Variants in KLRG1 observed in about 807,000 individuals in gnomAD.
KLRG1 encodes killer cell lectin like receptor G1, also known as killer cell lectin-like receptor subfamily G member 1.
KLRG1 carries 16 observed loss-of-function variants against 21.8 expected under a neutral mutation model. The observed-to-expected ratio is 0.73, with a 90% confidence interval of 0.50 to 1.11. The LOEUF is 1.11. Among genes scored for constraint, KLRG1 ranks in the 50% most tolerant of loss-of-function variants. KLRG1 has a pLI of 0.00. For missense variants in KLRG1, 173 were observed against 218.3 expected, an observed-to-expected ratio of 0.79 and a Z score of 1.31; for synonymous variants, 69 against 75.9, an observed-to-expected ratio of 0.91 and a Z score of 0.47.
the KLRG1 span, among the ~76,000 whole-genome samples, chr12:9,102,932 G>C: frequency 6.6e-6 from 1 of 152,034 alleles, no homozygotes; most frequent in African/African-American, 2.4e-5. Context: ...AAACTCTAAA[G>C]AGGCAGGCGT....
At chr12:9,045,138 G>GA in the KLRG1 span, among the ~76,000 whole-genome samples, 3 of 151,558 alleles carry the variant, frequency 2.0e-5, no homozygotes, top group Admixed American at 6.6e-5. Flanking sequence ...TCACAACAAG[G>GA]AAAAAAAACT....
the KLRG1 span, chr12:9,113,656 T>C: frequency 9.4e-7 from 1 of 1,064,502 alleles, no homozygotes; most frequent in Non-Finnish European, 1.4e-6. Context: ...CAAGAGAAGA[T>C]GTACTGATGA....
chr12:9,070,825 ATT>A, the KLRG1 span, among the ~76,000 whole-genome samples: 1 of 145,834 alleles, frequency 6.9e-6, no homozygotes, highest in Non-Finnish European at 1.5e-5. Context: ...GAGGATCTGC[ATT>A]TTTTTTTTTT....
the KLRG1 span, chr12:9,196,769 G>T: frequency 2.4e-6 from 3 of 1,228,946 alleles, no homozygotes; most frequent in Non-Finnish European, 3.5e-6. Context: ...CTAATGACAA[G>T]AAAACTTTTT....
At chr12:9,015,031 C>G (rs1315585714), downstream of KLRG1, among the ~76,000 whole-genome samples, 1 of 151,572 alleles carries the variant, frequency 6.6e-6, no homozygotes, top group Non-Finnish European at 1.5e-5. Flanking sequence ...AAATAAAAAG[C>G]AAGAAATTAA....
the KLRG1 span, among the ~76,000 whole-genome samples, chr12:9,035,391 G>C: frequency 6.6e-6 from 1 of 151,474 alleles, no homozygotes; most frequent in African/African-American, 2.4e-5. Context: ...AGTGGGAGTC[G>C]AACAATGAGA....
At chr12:8,970,203 C>A (rs948044053) in intron 1 of KLRG1, among the ~76,000 whole-genome samples, 3 of 152,216 alleles carry the variant, frequency 2.0e-5, no homozygotes, top group Admixed American at 1.3e-4. Context: ...CTTGCCATTT[C>A]TTTTGTGAGT....
the KLRG1 span, among the ~76,000 whole-genome samples, chr12:9,103,468 T>C: frequency 1.3e-5 from 2 of 152,190 alleles, no homozygotes; most frequent in Non-Finnish European, 2.9e-5. Context: ...TTCTTTAGTG[T>C]ACAGTTTGGT....
the KLRG1 span, chr12:9,196,556 G>A: frequency 3.8e-5 from 60 of 1,584,816 alleles, no homozygotes; most frequent in Non-Finnish European, 3.1e-5. Flanking sequence ...TCCCATATTC[G>A]TTCATTACTC....
At chr12:9,079,126 T>C in the KLRG1 span, 1 of 747,940 alleles carries the variant, frequency 1.3e-6, no homozygotes, top group Non-Finnish European at 2.2e-6. Context: ...TTATCTAGTA[T>C]AACAAACCAT....
chr12:9,148,789 A>G, the KLRG1 span: 1 of 576,486 alleles, frequency 1.7e-6, no homozygotes, highest in Non-Finnish European at 3.0e-6. Context: ...AATATAACTC[A>G]TCATGTGAAC....
At chr12:9,009,366 C>G in intron 4 of KLRG1, 60 bp from the exon 5 acceptor site, 1 of 1,596,794 alleles carries the variant, frequency 6.3e-7, no homozygotes, top group Non-Finnish European at 8.5e-7. Flanking sequence ...CCCTTCATGC[C>G]TTTCAACTCC....
the KLRG1 span, chr12:9,093,406 A>G: frequency 8.8e-7 from 1 of 1,142,192 alleles, no homozygotes; most frequent in Non-Finnish European, 1.3e-6. Flanking sequence ...ACTAGCAAAG[A>G]GTTGAAAATA....
the KLRG1 span, chr12:9,090,098 G>C: frequency 6.5e-7 from 1 of 1,545,298 alleles, no homozygotes. Flanking sequence ...ATTTAGAAAT[G>C]TTCAATGCTC....
chr12:9,113,231 T>TA, the KLRG1 span: 1 of 893,900 alleles, frequency 1.1e-6, no homozygotes, highest in Non-Finnish European at 1.7e-6. Flanking sequence ...TTTCTATACT[T>TA]AGTTTGCTAC....
chr12:8,950,681 C>T lies in KLRG1; in HGVS notation c.-156+445C>T, dbSNP rs899872568. On this transcript the variant is annotated intron_variant, in intron 1 of 4. Coordinates refer to the KLRG1 transcript ENST00000539240. ...CTTACCCCTCTCATTAGAACTACTA[C>T]AGTGTTTTGAGTCTAATAATAATAA... Among the ~76,000 whole-genome samples, 5 of 151,834 alleles carry T rather than the reference C, an allele frequency of 3.3e-5. No homozygotes were observed. The South Asian group carries it at 8.3e-4, about 25-fold the overall frequency.
the KLRG1 span, among the ~76,000 whole-genome samples, chr12:9,193,869 ATGAT>A: frequency 1.1e-3 from 172 of 152,338 alleles, 4 homozygotes; most frequent in East Asian, 0.021. Context: ...GTTACAGATA[ATGAT>A]AGTGAAATTA....
intron 1 of KLRG1, among the ~76,000 whole-genome samples, chr12:8,978,640 T>TTTTCTTTCTTTC (rs202186076): frequency 0.014 from 1,543 of 107,824 alleles, 16 homozygotes; most frequent in South Asian, 0.02. Context: ...TTTTTCTTTC[T>TTTTCTTTCTTTC]TTTCTTTCTT....
the KLRG1 span, among the ~76,000 whole-genome samples, chr12:9,061,906 G>A: frequency 6.6e-6 from 1 of 152,012 alleles, no homozygotes; most frequent in South Asian, 2.1e-4. Flanking sequence ...GTTGGGACAC[G>A]GAAACCAACC....
Sources: gnomAD v4.1 joint callset for allele counts (sites outside exome capture counted in the v4.1 genomes callset) on GRCh38, gnomAD v4.1.1 for gene constraint, MANE v1.5 for transcripts, NCBI Gene and HGNC (gene_info 2026-07-23, HGNC 2026-07-21) for gene names.